KIF6: variants seen among roughly 807,000 people sequenced by gnomAD.
The protein encoded by KIF6 is kinesin-like protein KIF6.
A neutral mutation model predicts 112.7 loss-of-function variants in KIF6; 106 were observed. The observed-to-expected ratio is 0.94, with a 90% CI of 0.80 to 1.11. The LOEUF is 1.11. KIF6 is among the 50% of genes least tolerant of loss of function. KIF6 has a pLI of 0.00. For missense variants in KIF6, 929 were observed against 964.0 expected (o/e 0.96, Z 0.48); for synonymous variants, 339 against 339.9 (o/e 1.00, Z 0.03).
At chr6:39,357,830 G>T (rs1340501301) in intron 18 of KIF6, among the ~76,000 whole-genome samples, 1 of 152,070 alleles carries the variant, frequency 6.6e-6, no homozygotes, top group African/African-American at 2.4e-5. Flanking sequence ...ATCTAGACAT[G>T]GTAATGACCA....
At chr6:39,641,537 A>C (rs1784899125) in intron 3 of KIF6, among the ~76,000 whole-genome samples, 3 of 152,080 alleles carry the variant, frequency 2.0e-5, no homozygotes, top group Admixed American at 2.0e-4. Flanking sequence ...AGATATACCT[A>C]ATGTTAAATA....
At chr6:39,623,639 T>C (rs1783940283) in intron 5 of KIF6, among the ~76,000 whole-genome samples, 1 of 152,214 alleles carries the variant, frequency 6.6e-6, no homozygotes, top group African/African-American at 2.4e-5. Flanking sequence ...TTGGTCTGAA[T>C]ACCATCAGTC....
At chr6:39,494,671 A>C (rs1014739162) in intron 13 of KIF6, among the ~76,000 whole-genome samples, 3 of 152,198 alleles carry the variant, frequency 2.0e-5, no homozygotes, top group Admixed American at 2.0e-4. Flanking sequence ...CTATTGTGAT[A>C]ATTTATTGTT....
intron 13 of KIF6, among the ~76,000 whole-genome samples, chr6:39,437,798 CATA>C (rs1771633056): frequency 6.6e-6 from 1 of 152,096 alleles, no homozygotes; most frequent in Non-Finnish European, 1.5e-5. Flanking sequence ...TCATAGTTGT[CATA>C]ATGTCATAGT....
intron 15 of KIF6, among the ~76,000 whole-genome samples, chr6:39,403,516 T>G (rs1198874543): frequency 6.6e-6 from 1 of 152,230 alleles, no homozygotes; most frequent in Non-Finnish European, 1.5e-5. Context: ...CTGAGTAATG[T>G]TCTATTGTAT....
At chr6:39,403,159 G>A (rs1022912052) in intron 15 of KIF6, among the ~76,000 whole-genome samples, 1 of 152,122 alleles carries the variant, frequency 6.6e-6, no homozygotes, top group African/African-American at 2.4e-5. Context: ...TTTCCTTGGT[G>A]GATTCATACT....
At chr6:39,588,884 A>G (rs1031115648) in intron 7 of KIF6, among the ~76,000 whole-genome samples, 1 of 152,124 alleles carries the variant, frequency 6.6e-6, no homozygotes, top group Non-Finnish European at 1.5e-5. Flanking sequence ...TGCTTGGGAA[A>G]CCACACACGC....
chr6:39,400,267 G>A (rs920299938), intron 15 of KIF6, among the ~76,000 whole-genome samples: 4 of 152,170 alleles, frequency 2.6e-5, no homozygotes, highest in South Asian at 2.1e-4. Flanking sequence ...TTATAAAGGC[G>A]AGCAAGAGGC....
intron 5 of KIF6, chr6:39,617,589 T>G (rs1783587042): frequency 2.7e-6 from 1 of 376,228 alleles, no homozygotes; most frequent in Non-Finnish European, 5.6e-6. Flanking sequence ...GGGGGTGCTA[T>G]TCACATCATG....
At chr6:39,697,376 T>C (rs1234876373) in intron 3 of KIF6, among the ~76,000 whole-genome samples, 2 of 152,124 alleles carry the variant, frequency 1.3e-5, no homozygotes, top group Non-Finnish European at 2.9e-5. Context: ...GCCTATCAGG[T>C]TGGTGCTGTC....
intron 6 of KIF6, among the ~76,000 whole-genome samples, chr6:39,600,085 T>G (rs1782491752): frequency 6.6e-6 from 1 of 152,190 alleles, no homozygotes; most frequent in South Asian, 2.1e-4. Context: ...ATGTGCTGTG[T>G]CTGCTCTGTG....
intron 13 of KIF6, among the ~76,000 whole-genome samples, chr6:39,497,094 C>T (rs1775832354): frequency 6.6e-6 from 1 of 152,230 alleles, no homozygotes; most frequent in East Asian, 1.9e-4. Flanking sequence ...AGCTGGACTC[C>T]ACTAAAAGTG....
chr6:39,484,674 T>C (rs1775010623), intron 13 of KIF6, among the ~76,000 whole-genome samples: 1 of 152,238 alleles, frequency 6.6e-6, no homozygotes, highest in Non-Finnish European at 1.5e-5. Flanking sequence ...ATACGTGCAA[T>C]ATTACTGTAG....
chr6:39,460,437 G>A (rs1001409083), intron 13 of KIF6, among the ~76,000 whole-genome samples: 3 of 136,624 alleles, frequency 2.2e-5, no homozygotes, highest in African/African-American at 5.7e-5. Context: ...TGACGAGTTA[G>A]TGGGTGTAGC....
rs146895561 is a variant in KIF6, at chr6:39,603,585, T to C, written c.640-7325A>G. Among the ~76,000 whole-genome samples the C allele has an allele frequency of 7.8e-3, 1,191 of 151,960 alleles. 18 individuals are homozygous for C. Among genetic ancestry groups the C allele is most frequent in the African/African-American group, 0.027 (1,121 of 41,468 alleles). The stretch of plus-strand genomic sequence containing the variant: ...GTGTGTGTCCAGCCATTTTTAGTAA[T>C]GATAATTCTGATTTGGGGGCAAAAA... On this transcript the variant is annotated intron_variant, in intron 6 of 22. Transcript: ENST00000287152.
At chr6:39,719,004 CA>C (rs1167492634) in intron 2 of KIF6, among the ~76,000 whole-genome samples, 1 of 151,736 alleles carries the variant, frequency 6.6e-6, no homozygotes, top group East Asian at 1.9e-4. Flanking sequence ...TATGAGACAA[CA>C]AAAAAAGCAA....
intron 6 of KIF6, among the ~76,000 whole-genome samples, chr6:39,610,535 C>T (rs377580148): frequency 6.6e-6 from 1 of 152,160 alleles, no homozygotes; most frequent in South Asian, 2.1e-4. Context: ...TTCTTTTTAT[C>T]CTGGTAAGAT....
At chr6:39,542,142 C>A (rs929257112) in intron 12 of KIF6, among the ~76,000 whole-genome samples, 3 of 152,176 alleles carry the variant, frequency 2.0e-5, no homozygotes, top group African/African-American at 7.2e-5. Context: ...TGGTTTCATT[C>A]TTCATATCAT....
At chr6:39,605,845 A>T (rs1782855233) in intron 6 of KIF6, among the ~76,000 whole-genome samples, 1 of 152,104 alleles carries the variant, frequency 6.6e-6, no homozygotes, top group Admixed American at 6.6e-5. Context: ...GTAATTTAGT[A>T]ACTTCAATAG....
Sources: gnomAD v4.1 joint callset for allele counts (sites outside exome capture counted in the v4.1 genomes callset) on GRCh38, gnomAD v4.1.1 for gene constraint, MANE v1.5 for transcripts, NCBI Gene and HGNC (gene_info 2026-07-23, HGNC 2026-07-21) for gene names.